AS3MT: variants seen among roughly 807,000 people sequenced by gnomAD.
The protein encoded by AS3MT is S-adenosyl-L-methionine:arsenic(III) methyltransferase.
AS3MT carries 47 observed loss-of-function variants against 45.3 expected under a neutral mutation model. The ratio of observed to expected loss-of-function variants is 1.04; its 90% CI spans 0.82 to 1.32. The LOEUF (loss-of-function observed/expected upper bound fraction) is 1.32, where lower values mean the gene tolerates loss of function less well. AS3MT is among the 40% of genes most tolerant of loss of function. The pLI is 0.00. For missense variants in AS3MT, 396 were observed against 451.1 expected (o/e 0.88, Z 1.11); for synonymous variants, 141 against 152.8 (o/e 0.92, Z 0.57).
At chr10:102,892,788 C>A (rs1845093047) in intron 10 of AS3MT, among the ~76,000 whole-genome samples, 1 of 151,984 alleles carries the variant, frequency 6.6e-6, no homozygotes, top group East Asian at 1.9e-4. Context: ...CCAGCCTGGG[C>A]AACATGGTGA....
intron 10 of AS3MT, among the ~76,000 whole-genome samples, chr10:102,892,745 G>A (rs1171303377): frequency 6.6e-6 from 1 of 152,032 alleles, no homozygotes; most frequent in Non-Finnish European, 1.5e-5. Context: ...GGAGGCCAAG[G>A]TGGGCAGATT....
intron 2 of AS3MT, 96 bp from the exon 3 acceptor site, chr10:102,869,988 G>T (rs948948203): frequency 3.8e-5 from 60 of 1,564,886 alleles, no homozygotes; most frequent in Non-Finnish European, 5.1e-5. Context: ...ACTGAGGTCG[G>T]CCAAGTGGAG....
rs376658646 is a variant in AS3MT, at chr10:102,900,590, C to T, written c.1021-3C>T. The T allele has an allele frequency of 3.7e-6, 6 of 1,609,464 alleles. No homozygotes were observed. The highest frequency in any genetic ancestry group is 8.5e-7 in the Non-Finnish European group (1 of 1,175,940). ...CCTTTCATTTTGGTTTGCCTTTTGACAGGATATAATCACAGATCCATTTAA... is the reference window on the plus strand; with the variant it reads ...CCTTTCATTTTGGTTTGCCTTTTGATAGGATATAATCACAGATCCATTTAA... On this transcript the variant is annotated splice_polypyrimidine_tract_variant and splice_region_variant and intron_variant, in intron 10 of 10. Coordinates refer to ENST00000369880, the MANE Select transcript of AS3MT (RefSeq NM_020682.4).
At chr10:102,889,827 C>T (rs1024174270) in intron 9 of AS3MT, among the ~76,000 whole-genome samples, 13 of 151,754 alleles carry the variant, frequency 8.6e-5, no homozygotes, top group Admixed American at 2.6e-4. Context: ...GGGCATGTGC[C>T]GCCATACCCA....
intron 9 of AS3MT, among the ~76,000 whole-genome samples, chr10:102,886,287 T>TCCTC (rs144641573): frequency 0.012 from 1,845 of 149,116 alleles, 13 homozygotes; most frequent in East Asian, 0.028. Flanking sequence ...ATTCCTTCCT[T>TCCTC]CCTCCCTCCC....
Position 102,878,904 on chromosome 10 carries a change from A to AGTGTTTG in AS3MT, c.798_799insGTGTTTG (p.Pro267ValfsTer19), listed in dbSNP as rs756083178. The AGTGTTTG allele has an allele frequency of 6.2e-7, 1 of 1,614,054 alleles. No individual in the cohort carries two copies. Among genetic ancestry groups the AGTGTTTG allele is most frequent in the Non-Finnish European group, 8.5e-7 (1 of 1,180,032 alleles). ...GCCTCTTCAAACACTCTAAGACAGG[A>AGTGTTTG]CCAACCAAGAGATGCCAAGTTATTT... On this transcript the variant is annotated frameshift_variant, in exon 9 of 11. Coordinates refer to ENST00000369880, the MANE Select transcript of AS3MT (RefSeq NM_020682.4). LOFTEE classifies it high-confidence loss of function.
At position 102,870,153 on chromosome 10, in the gene AS3MT, C is replaced by A; in HGVS notation, c.112C>A (p.Pro38Thr). 1 of 1,614,150 alleles carries A rather than the reference C, an allele frequency of 6.2e-7. No homozygotes were observed. ...QTNGCVTTAR[P>T]VPKHIREALQ... ...CAACGGCTGTGTCACCACAGCCAGG[C>A]CGGTCCCCAAGCACATCCGGGAAGC... is the stretch of plus-strand genomic sequence containing the variant. Residue 38 changes from proline (P) to threonine (T), a missense_variant, in exon 3 of 11, where the codon CCG becomes ACG. By Grantham distance (38) the Pro-to-Thr change is conservative. Coordinates refer to ENST00000369880, the MANE Select transcript of AS3MT (RefSeq NM_020682.4).
chr10:102,883,980 CTTTTT>C (rs35305641), intron 9 of AS3MT, among the ~76,000 whole-genome samples: 1 of 129,434 alleles, frequency 7.7e-6, no homozygotes, highest in Non-Finnish European at 1.6e-5. Context: ...TTCTTTATTT[CTTTTT>C]TTTTTTTTTT....
In AS3MT at chr10:102,900,836, C is replaced by T. The variant is rs1419964824; in HGVS notation, c.*136C>T. The T allele has an allele frequency of 4.7e-6, 3 of 644,520 alleles. No individual in the cohort carries two copies. Among genetic ancestry groups the T allele is most frequent in the Non-Finnish European group, 7.9e-6 (3 of 378,182 alleles). The allele number at this position is 644,520 out of a possible 1,614,324, so 39.9% of individuals were successfully genotyped here. A position where few individuals can be genotyped will look rare whatever the true frequency, so the allele number is the denominator to read the frequency against. On this transcript the variant is annotated 3_prime_UTR_variant, in exon 11 of 11. Transcript: ENST00000369880. ...CAGTGGCTCATGCCTATAATCCCAG[C>T]ACTTTGGGAGGCCGAGGCAGGCAGA...
Position 102,887,658 on chromosome 10 carries a change from T to C in AS3MT, c.886-2886T>C, listed in dbSNP as rs550255716. 5.9e-5 allele frequency among the ~76,000 whole-genome samples: 9 copies of C among 152,304 alleles called. No homozygotes were observed. In the South Asian group the frequency reaches 1.9e-3, roughly 32 times the overall value. On this transcript the variant is annotated intron_variant, in intron 9 of 10. Transcript: ENST00000369880. The stretch of plus-strand genomic sequence containing the variant: ...TGTTCTTTTTTGGTTTCCAGTTGCT[T>C]GGAATGTCTTTTTTCCACCCCTTAA...
intron 9 of AS3MT, among the ~76,000 whole-genome samples, chr10:102,883,062 C>A (rs1206114310): frequency 6.7e-6 from 1 of 150,334 alleles, no homozygotes; most frequent in East Asian, 2.0e-4. Context: ...ATTTTTAATA[C>A]AATTATTTTT....
At chr10:102,900,388 G>A (rs895695511) in intron 10 of AS3MT, among the ~76,000 whole-genome samples, 3 of 152,228 alleles carry the variant, frequency 2.0e-5, no homozygotes, top group Non-Finnish European at 4.4e-5. Flanking sequence ...TTTAAGTGAA[G>A]TTTACCTTGA....
At chr10:102,890,414 A>T in intron 9 of AS3MT, 130 bp from the exon 10 acceptor site, 1 of 686,288 alleles carries the variant, frequency 1.5e-6, no homozygotes, top group Non-Finnish European at 2.3e-6. Context: ...GTACTAATTT[A>T]AATTCCCACC....
intron 9 of AS3MT, among the ~76,000 whole-genome samples, chr10:102,889,435 A>G (rs1160954817): frequency 1.3e-5 from 2 of 152,084 alleles, no homozygotes; most frequent in Non-Finnish European, 2.9e-5. Flanking sequence ...AAATCTGAAT[A>G]GTATTCCATT....
rs139656545 is a variant in AS3MT at position 102,878,858 on chromosome 10, G to A, written c.752G>A (p.Arg251His). The A allele has an allele frequency of 6.6e-4, 1,070 of 1,611,770 alleles. 6 individuals are homozygous for A. The African/African-American group carries it at 8.1e-3, about 12-fold the overall frequency. The stretch of plus-strand genomic sequence containing the variant: ...TAAATTCTATTTTTAGGTGACTGTC[G>A]TTTTGTTTCTGCAACATTTCGCCTC... ...KELERVIGDC[R>H]FVSATFRLFK... Residue 251 changes from arginine (R) to histidine (H), a missense_variant, in exon 9 of 11, where the codon CGT (arginine) becomes CAT (histidine). Coordinates refer to ENST00000369880, the MANE Select transcript of AS3MT (RefSeq NM_020682.4).
In AS3MT at chr10:102,890,688, G is replaced by A. The variant is rs1845055828; in HGVS notation, c.1020+10G>A. The A allele has an allele frequency of 1.2e-6, 2 of 1,600,844 alleles. No homozygotes were observed. The highest frequency in any genetic ancestry group is 1.4e-5 in the African/African-American group (1 of 73,984). On this transcript the variant is annotated intron_variant, in intron 10 of 10. Coordinates refer to ENST00000369880, the MANE Select transcript of AS3MT (RefSeq NM_020682.4). ...TGCTTTGGAGTTAAAGGTTAGTTTG[G>A]CTTTCACTACCTGAGAGAACTATTT...
At chr10:102,898,691 C>T (rs1845221237) in intron 10 of AS3MT, among the ~76,000 whole-genome samples, 1 of 152,150 alleles carries the variant, frequency 6.6e-6, no homozygotes, top group East Asian at 1.9e-4. Flanking sequence ...GCATTAACAA[C>T]CATAGCAGTA....
chr10:102,893,336 G>A (rs1382700797), intron 10 of AS3MT, among the ~76,000 whole-genome samples: 1 of 151,880 alleles, frequency 6.6e-6, no homozygotes, highest in Admixed American at 6.6e-5. Flanking sequence ...GGTGGGGGAG[G>A]GGGACGGAGT....
At chr10:102,892,985 A>T (rs1049057755) in intron 10 of AS3MT, among the ~76,000 whole-genome samples, 61 of 138,368 alleles carry the variant, frequency 4.4e-4, no homozygotes, top group African/African-American at 1.6e-3. Flanking sequence ...ACTCTGTCTC[A>T]AAATAAATAA....
Sources: gnomAD v4.1 joint callset for allele counts (sites outside exome capture counted in the v4.1 genomes callset) on GRCh38, gnomAD v4.1.1 for gene constraint, MANE v1.5 for transcripts, NCBI Gene and HGNC (gene_info 2026-07-23, HGNC 2026-07-21) for gene names.